ZNF106: variants seen among roughly 807,000 people sequenced by gnomAD.
ZNF106 encodes zinc finger protein 106.
In ZNF106, 67 loss-of-function variants were observed where a neutral mutation model predicts 195.1. The ratio of observed to expected loss-of-function variants is 0.34; its 90% CI spans 0.28 to 0.42. The LOEUF is 0.42. ZNF106 is among the 10% of genes least tolerant of loss of function. The probability of loss-of-function intolerance (pLI) is 1.00; values close to 1 mark genes in which losing one functional copy is unlikely to be tolerated. For synonymous variants in ZNF106, 784 were observed against 818.6 expected (o/e 0.96, Z 0.72); for missense variants, 2,118 against 2,304.5 (o/e 0.92, Z 1.66).
chr15:42,469,951 T>C (rs2056627570), intron 2 of ZNF106, among the ~76,000 whole-genome samples: 2 of 151,950 alleles, frequency 1.3e-5, no homozygotes, highest in African/African-American at 4.8e-5. Context: ...TTCCTTCTCA[T>C]GTATTAGGCT....
In ZNF106 at chr15:42,442,227, C is replaced by T. The variant is rs768691962; in HGVS notation, c.3609G>A (p.Thr1203=). ...SPTGASLQIT[T]SPTFQTHGSV... ...TGCCATGGGTTTGGAAAGTAGGAGA[C>T]GTGGTTATTTGAAGAGAGGCTCCGG... is the stretch of plus-strand genomic sequence containing the variant. The change falls in exon 10 of 22, where the codon ACG becomes ACA. Residue 1203 remains threonine (T), a synonymous_variant. Coordinates refer to ENST00000564754, the MANE Select transcript of ZNF106 (RefSeq NM_001366845.3). The T allele has an allele frequency of 3.6e-5, 58 of 1,613,856 alleles. No individual in the cohort carries two copies. Among genetic ancestry groups the T allele is most frequent in the Non-Finnish European group, 3.8e-5 (45 of 1,180,016 alleles).
At chr15:42,455,958 A>G (rs2056212464) in intron 4 of ZNF106, among the ~76,000 whole-genome samples, 4 of 152,212 alleles carry the variant, frequency 2.6e-5, no homozygotes, top group Non-Finnish European at 4.4e-5. Flanking sequence ...TAGACCAGAA[A>G]GCAGTAAGGT....
At position 42,451,326 on chromosome 15, in the gene ZNF106, T is replaced by C; in HGVS notation, c.946A>G (p.Thr316Ala). The C allele has an allele frequency of 6.2e-7, 1 of 1,614,034 alleles. No individual in the cohort carries two copies. The highest frequency in any genetic ancestry group is 8.5e-7 in the Non-Finnish European group (1 of 1,179,910). The change falls in exon 5 of 22, where the codon ACA becomes GCA. Residue 316 changes from threonine (T) to alanine (A), a missense_variant. Physicochemically the swap from Thr to Ala is moderately conservative, Grantham distance 58 (BLOSUM62 0). Coordinates refer to ENST00000564754, the MANE Select transcript of ZNF106 (RefSeq NM_001366845.3). ...AATCCTTCAGAAGGACCTCTATATGTGGCAACTGTACCAAGTTTGTCATTT... is the reference window on the plus strand; with the variant it reads ...AATCCTTCAGAAGGACCTCTATATGCGGCAACTGTACCAAGTTTGTCATTT... ...QENDKLGTVA[T>A]YRGPSEGFTS...
At chr15:42,456,883 A>C in intron 4 of ZNF106, 75 bp downstream of exon 4, 1 of 1,359,212 alleles carries the variant, frequency 7.4e-7, no homozygotes, top group Non-Finnish European at 1.0e-6. Context: ...TGGGCTGACC[A>C]GTACAAAGAT....
chr15:42,446,797 A>G, intron 6 of ZNF106, 139 bp from the exon 7 acceptor site: 1 of 746,716 alleles, frequency 1.3e-6, no homozygotes, highest in Non-Finnish European at 2.1e-6. Flanking sequence ...TAGAAGTCTC[A>G]CGCACGTGGT....
intron 3 of ZNF106, among the ~76,000 whole-genome samples, chr15:42,463,613 A>G (rs1035340865): frequency 6.6e-6 from 1 of 152,080 alleles, no homozygotes; most frequent in Non-Finnish European, 1.5e-5. Context: ...ACAGAGAGGA[A>G]CCCTGTCTTT....
chr15:42,444,288 A>T, intron 8 of ZNF106, 26 bp from the exon 9 acceptor site: 1 of 1,580,226 alleles, frequency 6.3e-7, no homozygotes, highest in South Asian at 1.1e-5. Context: ...TTTATTAAGC[A>T]TTTTGAAATC....
At chr15:42,444,708 C>T in intron 8 of ZNF106, 119 bp downstream of exon 8, 2 of 1,322,042 alleles carry the variant, frequency 1.5e-6, no homozygotes, top group Non-Finnish European at 1.0e-6. Context: ...GTCTGGGGCA[C>T]TTCCCTTGTG....
At chr15:42,459,393 T>C (rs2056331479) in intron 3 of ZNF106, among the ~76,000 whole-genome samples, 1 of 151,934 alleles carries the variant, frequency 6.6e-6, no homozygotes, top group Non-Finnish European at 1.5e-5. Flanking sequence ...GGAGAATCGC[T>C]TGAACCCAGG....
chr15:42,435,723 GTA>G (rs1001875143), intron 13 of ZNF106, among the ~76,000 whole-genome samples: 2 of 152,156 alleles, frequency 1.3e-5, no homozygotes, highest in Non-Finnish European at 2.9e-5. Flanking sequence ...GTATCTGAAA[GTA>G]TATGTTAGTT....
intron 20 of ZNF106, among the ~76,000 whole-genome samples, chr15:42,418,532 A>ATTTTTTTTTTTTTTTTTTTT (rs1162999546): frequency 1.0e-5 from 1 of 96,228 alleles, no homozygotes; most frequent in African/African-American, 4.3e-5. Flanking sequence ...CGGCCAGTTA[A>ATTTTTTTTTTTTTTTTTTTT]TTTTTTTTTT....
chr15:42,488,133 T>C (rs1316767377), intron 1 of ZNF106, among the ~76,000 whole-genome samples: 2 of 152,220 alleles, frequency 1.3e-5, no homozygotes, highest in African/African-American at 2.4e-5. Flanking sequence ...TTTCAGAAAT[T>C]TGTGAATTTT....
chr15:42,467,741 G>A (rs934816789), intron 2 of ZNF106, among the ~76,000 whole-genome samples: 6 of 152,120 alleles, frequency 3.9e-5, no homozygotes, highest in Admixed American at 2.6e-4. Flanking sequence ...CTGGGAAGGC[G>A]GAGGTTGCAG....
chr15:42,455,778 AAAG>A (rs1218023668), intron 4 of ZNF106, among the ~76,000 whole-genome samples: 2 of 152,212 alleles, frequency 1.3e-5, no homozygotes, highest in Non-Finnish European at 2.9e-5. Context: ...ACTAGTATTC[AAAG>A]AAGAATCTTT....
At chr15:42,433,608 G>C (rs1177389169) in intron 14 of ZNF106, among the ~76,000 whole-genome samples, 1 of 150,060 alleles carries the variant, frequency 6.7e-6, no homozygotes, top group Admixed American at 6.7e-5. Context: ...TCAGCCTCCC[G>C]AGTAGCTGGG....
intron 13 of ZNF106, 89 bp downstream of exon 13, chr15:42,437,143 C>G: frequency 1.4e-6 from 2 of 1,420,444 alleles, no homozygotes; most frequent in Non-Finnish European, 1.9e-6. Flanking sequence ...TTCAGACAGC[C>G]AACAAATTCC....
chr15:42,430,898 ACATCC>A (rs1426961597), intron 14 of ZNF106, among the ~76,000 whole-genome samples: 4 of 151,872 alleles, frequency 2.6e-5, no homozygotes, highest in African/African-American at 9.7e-5. Flanking sequence ...TCCCACCTCA[ACATCC>A]CAAAGCACTA....
At chr15:42,417,738 G>A in intron 21 of ZNF106, 67 bp downstream of exon 21, 2 of 1,483,446 alleles carry the variant, frequency 1.3e-6, no homozygotes, top group Non-Finnish European at 1.8e-6. Context: ...TAATAAAAAA[G>A]GTTTGCTAGC....
At chr15:42,453,012 CA>C (rs2056102330) in intron 4 of ZNF106, among the ~76,000 whole-genome samples, 2 of 152,010 alleles carry the variant, frequency 1.3e-5, no homozygotes, top group African/African-American at 2.4e-5. Flanking sequence ...ATATTTAGTA[CA>C]ATTTTATGTT....
Sources: allele counts gnomAD v4.1 joint callset (sites outside exome capture counted in the v4.1 genomes callset), GRCh38; gene constraint gnomAD v4.1.1; transcripts MANE v1.5; gene names NCBI Gene and HGNC (gene_info 2026-07-23, HGNC 2026-07-21).